The following PCDHGB3 variants were observed in gnomAD, a reference collection of about 807,000 sequenced individuals.
PCDHGB3 encodes protocadherin gamma subfamily B, 3, also known as protocadherin gamma-B3.
Under a neutral mutation model 59.2 loss-of-function variants are expected in PCDHGB3, and 40 were observed. The ratio of observed to expected loss-of-function variants is 0.68; its 90% CI spans 0.52 to 0.88. PCDHGB3 has a LOEUF of 0.88. Among genes scored for constraint, PCDHGB3 ranks in the 40% least tolerant of loss-of-function variants. PCDHGB3 has a pLI of 0.00. For synonymous variants in PCDHGB3, 581 were observed against 503.6 expected (o/e 1.15, Z -2.06); for missense variants, 1,309 against 1,187.9 (o/e 1.10, Z -1.50).
At chr5:141,465,757 T>C (rs2099108578) in intron 1 of PCDHGB3, among the ~76,000 whole-genome samples, 1 of 152,046 alleles carries the variant, frequency 6.6e-6, no homozygotes, top group South Asian at 2.1e-4. Context: ...ACTGGTAAAG[T>C]CATGTTTCAT....
At position 141,490,979 on chromosome 5, in the gene PCDHGB3, C is replaced by T. The variant is rs1217345302; in HGVS notation, c.2416-3828C>T. 6.2e-7 allele frequency: 1 copy of T among 1,614,086 alleles called. No individual in the cohort carries two copies. The highest frequency in any genetic ancestry group is 8.5e-7 in the Non-Finnish European group (1 of 1,180,014). ...GAACACTCAGCCCCCCAGCGTCTCC[C>T]TCGCTCTGCTCCTCCTGGCTCCTTG... On this transcript the variant is annotated intron_variant, in intron 1 of 3. Transcript: ENST00000576222. This position sits in a 1 kb window ranked among gnomAD's most constrained non-coding sequence, Gnocchi z 5.4.
chr5:141,392,882 G>A (rs1394691115), intron 1 of PCDHGB3: 2 of 1,613,502 alleles, frequency 1.2e-6, no homozygotes, highest in Non-Finnish European at 1.7e-6. Flanking sequence ...TGGGAACGCT[G>A]TGGGAAATCG....
At chr5:141,460,985 A>G (rs553462661) in intron 1 of PCDHGB3, among the ~76,000 whole-genome samples, 245 of 91,804 alleles carry the variant, frequency 2.7e-3, no homozygotes, top group Middle Eastern at 5.0e-3. Context: ...GTGTGTGTGT[A>G]TATATATATA....
At position 141,494,833 on chromosome 5, in the gene PCDHGB3, T is replaced by C. The variant is rs537340090; in HGVS notation, c.2442T>C (p.Arg814=). 1 of 1,614,094 alleles carries C rather than the reference T, an allele frequency of 6.2e-7. No homozygotes were observed. The highest frequency in any genetic ancestry group is 1.7e-5 in the Admixed American group (1 of 60,014). Residue 814 remains arginine, a synonymous_variant, in exon 2 of 4, where the codon CGT becomes CGC. Coordinates refer to ENST00000576222, the MANE Select transcript of PCDHGB3 (RefSeq NM_018924.5). ...QKQAPPNTDW[R]FSQAQRPGTS... Reference sequence around the variant, plus strand: ...AAGCCCCGCCCAACACGGACTGGCGTTTCTCTCAGGCCCAGAGACCCGGCA... The same window carrying C: ...AAGCCCCGCCCAACACGGACTGGCGCTTCTCTCAGGCCCAGAGACCCGGCA...
chr5:141,388,791 A>C (rs1247299397), intron 1 of PCDHGB3: 1 of 1,613,810 alleles, frequency 6.2e-7, no homozygotes, highest in Admixed American at 1.7e-5. Flanking sequence ...TACTGTTTTA[A>C]ATACATTAGA....
chr5:141,414,271 C>T (rs1561747971), intron 1 of PCDHGB3: 3 of 1,613,292 alleles, frequency 1.9e-6, no homozygotes, highest in East Asian at 2.2e-5. Context: ...AGATTCACCT[C>T]TGGGAACAGT....
chr5:141,437,217 T>G (rs2097868672), intron 1 of PCDHGB3, among the ~76,000 whole-genome samples: 1 of 152,230 alleles, frequency 6.6e-6, no homozygotes, highest in Admixed American at 6.5e-5. Flanking sequence ...TTATTCTGAT[T>G]CCAGTCATAA....
At chr5:141,396,562 G>C (rs2150669769) in intron 1 of PCDHGB3, 1 of 152,144 alleles carries the variant, frequency 6.6e-6, no homozygotes, top group South Asian at 2.1e-4. Context: ...GGAGGTTGCA[G>C]TGAGCCTCGA....
intron 1 of PCDHGB3, among the ~76,000 whole-genome samples, chr5:141,468,088 G>T (rs186503104): frequency 6.6e-6 from 1 of 152,186 alleles, no homozygotes; most frequent in East Asian, 1.9e-4. Context: ...ACTTTGGGAG[G>T]TTGAGGCAGG....
chr5:141,376,796 C>G (rs1030059088), intron 1 of PCDHGB3: 1 of 345,194 alleles, frequency 2.9e-6, no homozygotes, highest in South Asian at 3.6e-5. Flanking sequence ...ACGCCATTCT[C>G]CTGCCTCAGC....
At chr5:141,403,365 T>C in intron 1 of PCDHGB3, 1 of 1,614,024 alleles carries the variant, frequency 6.2e-7, no homozygotes, top group Non-Finnish European at 8.5e-7. Flanking sequence ...GCCGAAAGTC[T>C]GGAAGTAAAA....
intron 1 of PCDHGB3, chr5:141,399,911 G>A: frequency 6.2e-7 from 1 of 1,612,384 alleles, no homozygotes; most frequent in Non-Finnish European, 8.5e-7. Flanking sequence ...GCAGACTCAG[G>A]ACACAACGCC....
intron 1 of PCDHGB3, chr5:141,414,464 A>G (rs1331771342): frequency 1.2e-6 from 2 of 1,613,904 alleles, no homozygotes; most frequent in African/African-American, 1.3e-5. Context: ...ACAGCCACAG[A>G]TGGGGGAAGT....
In PCDHGB3 at chr5:141,491,365, T is replaced by A. The variant is rs201011046; in HGVS notation, c.2416-3442T>A. ...CGTCAGTCTCTTATCCCTAGTCACC[T>A]TCACCTTTCTGTCAGCGAAGTGCCT... On this transcript the variant is annotated intron_variant, in intron 1 of 3. Transcript: ENST00000576222. This position sits in a 1 kb window ranked among gnomAD's most constrained non-coding sequence, Gnocchi z 6.9. 1.7e-5 allele frequency: 27 copies of A among 1,614,016 alleles called. No individual in the cohort carries two copies. The highest frequency in any genetic ancestry group is 2.0e-5 in the Non-Finnish European group (24 of 1,179,982).
Position 141,491,758 on chromosome 5 carries a change from C to A in PCDHGB3, c.2416-3049C>A. The stretch of plus-strand genomic sequence containing the variant: ...TGGGGGCGGCACTGGAGAAGCCGCC[C>A]GTCCTCATAAGGGATTGAACTTGCA... On this transcript the variant is annotated intron_variant, in intron 1 of 3. Coordinates refer to ENST00000576222, the MANE Select transcript of PCDHGB3 (RefSeq NM_018924.5). This position sits in a 1 kb window ranked among gnomAD's most constrained non-coding sequence, Gnocchi z 6.9. 6.3e-7 allele frequency: 1 copy of A among 1,578,788 alleles called. No homozygotes were observed. Among genetic ancestry groups the A allele is most frequent in the Non-Finnish European group, 8.6e-7 (1 of 1,163,522 alleles).
chr5:141,414,588 G>A, intron 1 of PCDHGB3: 1 of 1,613,872 alleles, frequency 6.2e-7, no homozygotes, highest in Non-Finnish European at 8.5e-7. Flanking sequence ...ACAACGCCAG[G>A]GGTGCCTCCA....
intron 1 of PCDHGB3, chr5:141,409,913 G>C (rs769370742): frequency 1.9e-6 from 3 of 1,613,334 alleles, no homozygotes; most frequent in East Asian, 2.2e-5. Flanking sequence ...GGGTCCTGAC[G>C]GCTCCGCGTT....
intron 1 of PCDHGB3, among the ~76,000 whole-genome samples, chr5:141,448,751 T>C (rs888567097): frequency 1.3e-5 from 2 of 151,804 alleles, no homozygotes; most frequent in South Asian, 4.2e-4. Context: ...CCATCCTGGC[T>C]AACACGGTGA....
intron 1 of PCDHGB3, chr5:141,400,244 C>T (rs765839538): frequency 1.9e-6 from 3 of 1,613,928 alleles, no homozygotes; most frequent in East Asian, 4.5e-5. Flanking sequence ...GTGATTCTGG[C>T]CGTTGCCTTG....
Sources: allele counts gnomAD v4.1 joint callset (sites outside exome capture counted in the v4.1 genomes callset), GRCh38; gene constraint gnomAD v4.1.1; non-coding constraint Gnocchi (gnomAD v3.1); transcripts MANE v1.5; gene names NCBI Gene and HGNC (gene_info 2026-07-23, HGNC 2026-07-21).